The following TCIRG1 variants were observed in gnomAD, a reference collection of about 807,000 sequenced individuals.
The protein encoded by TCIRG1 is V-type proton ATPase 116 kDa subunit a 3.
TCIRG1 carries 86 observed loss-of-function variants against 95.5 expected under a neutral mutation model. The observed-to-expected ratio is 0.90, with a 90% CI of 0.76 to 1.08. The LOEUF (loss-of-function observed/expected upper bound fraction) is 1.08, where lower values mean the gene tolerates loss of function less well. Among genes scored for constraint, TCIRG1 ranks in the 50% least tolerant of loss-of-function variants. The pLI is 0.00. For synonymous variants in TCIRG1, 499 were observed against 501.3 expected (o/e 1.00, Z 0.06); for missense variants, 1,069 against 1,140.2 (o/e 0.94, Z 0.90).
chr11:68,050,037 G>A lies in TCIRG1; in HGVS notation c.2089G>A (p.Gly697Arg), dbSNP rs894118567. Residue 697 changes from glycine (G) to arginine (R), a missense_variant, in exon 17 of 20, where the codon GGG (glycine) becomes AGG (arginine). Transcript: ENST00000265686. ...CTGGAGCTCCGATGAGGAAAAGGCA[G>A]GGGGCCTGGATGATGAAGAGGAGGC... is the stretch of plus-strand genomic sequence containing the variant. The part of the protein sequence containing the change: ...NGWSSDEEKA[G>R]GLDDEEEAEL... 3 of 1,613,294 alleles carry A rather than the reference G, an allele frequency of 1.9e-6. No homozygotes were observed. In the African/African-American group the frequency reaches 4.0e-5, roughly 22 times the overall value.
chr11:68,041,745 AC>A lies in TCIRG1; in HGVS notation c.118-5del. 1 of 1,606,316 alleles carries A rather than the reference AC, an allele frequency of 6.2e-7. No individual in the cohort carries two copies. Among genetic ancestry groups the A allele is most frequent in the Non-Finnish European group, 8.5e-7 (1 of 1,176,878 alleles). On this transcript the variant is annotated splice_region_variant and splice_polypyrimidine_tract_variant and intron_variant, in intron 2 of 19. Transcript: ENST00000265686. ...CGGGACACTCACCCCTCCGTGTGGC[AC>A]CCACAGCTCAACGCCTCGGTGAGCG... is the stretch of plus-strand genomic sequence containing the variant.
rs1414075019 is a variant in TCIRG1 at position 68,050,866 on chromosome 11, GGAGAGGAATAAA to G, written c.*50_*61del. ...GACCTCCTTCCTGACCTCTGAGGCA[GGAGAGGAATAAA>G]GACGGTCCGCCCTGGCAGTGATGTC... On this transcript the variant is annotated 3_prime_UTR_variant, in exon 20 of 20. Transcript: ENST00000265686. 1 of 1,597,484 alleles carries G rather than the reference GGAGAGGAATAAA, an allele frequency of 6.3e-7. No homozygotes were observed. Among genetic ancestry groups the G allele is most frequent in the Non-Finnish European group, 8.5e-7 (1 of 1,169,806 alleles).
intron 9 of TCIRG1, 123 bp downstream of exon 9, chr11:68,044,467 C>G (rs1179414781): frequency 1.3e-6 from 1 of 783,598 alleles, no homozygotes; most frequent in Admixed American, 2.1e-5. Flanking sequence ...CCTTCTCCTC[C>G]CAGCCTCCTC....
rs1348227402 is a variant in TCIRG1 at position 68,043,356 on chromosome 11, C to T, written c.504-15C>T. 5 of 1,538,900 alleles carry T rather than the reference C, an allele frequency of 3.2e-6. No homozygotes were observed. The highest frequency in any genetic ancestry group is 2.6e-6 in the Non-Finnish European group (3 of 1,146,390). ...AGGAGGTTGGAGCAGCCCTGCCCAG[C>T]CCCGTGGCCGCCAGCTTTGTGGCAG... On this transcript the variant is annotated splice_polypyrimidine_tract_variant and intron_variant, in intron 5 of 19. Transcript: ENST00000265686.
chr11:68,050,928 C>G (rs1225168128), downstream of TCIRG1: 8 of 1,287,722 alleles, frequency 6.2e-6, no homozygotes, highest in Non-Finnish European at 8.7e-6. Context: ...TCCTTTTTAG[C>G]TGAGGCAGGT....
chr11:68,044,449 T>C, intron 9 of TCIRG1, 105 bp downstream of exon 9: 2 of 923,822 alleles, frequency 2.2e-6, no homozygotes, highest in Non-Finnish European at 3.4e-6. Context: ...GGGCTTTGCC[T>C]AGGGGCTCCT....
chr11:68,044,696 G>A (rs1252310806), intron 9 of TCIRG1: 7 of 594,620 alleles, frequency 1.2e-5, no homozygotes, highest in Non-Finnish European at 2.1e-5. Context: ...GCAGGTGCTT[G>A]CGGGTGAGGC....
rs367761886 is a variant in TCIRG1 at position 68,045,132 on chromosome 11, C to T, written c.1165+30C>T. The T allele has an allele frequency of 2.5e-6, 4 of 1,598,738 alleles. No homozygotes were observed. In the African/African-American group the frequency reaches 5.3e-5, roughly 21 times the overall value. On this transcript the variant is annotated intron_variant, in intron 10 of 19. Transcript: ENST00000265686. The stretch of plus-strand genomic sequence containing the variant: ...GAGCCACGGCATCCTTACCCGTGTC[C>T]TGGGAGGCTCAGCTGCCCCACTGGG...
chr11:68,047,418 C>T lies in TCIRG1; in HGVS notation c.1166-15C>T. On this transcript the variant is annotated splice_polypyrimidine_tract_variant and intron_variant, in intron 10 of 19. Transcript: ENST00000265686. ...TGTGTTCGGGGGTTCCCAGCTCACC[C>T]ACCTCTGCCCACAGCTCCCTACACC... 1 of 1,613,644 alleles carries T rather than the reference C, an allele frequency of 6.2e-7. No individual in the cohort carries two copies. Among genetic ancestry groups the T allele is most frequent in the Non-Finnish European group, 8.5e-7 (1 of 1,179,880 alleles).
intron 1 of TCIRG1, among the ~76,000 whole-genome samples, chr11:68,040,679 G>A (rs112230656): frequency 0.026 from 3,992 of 152,308 alleles, 70 homozygotes; most frequent in Middle Eastern, 0.054. Flanking sequence ...GCCCTTCCCC[G>A]CCATTCTGTA....
Position 68,041,441 on chromosome 11 carries a change from A to G in TCIRG1, c.117+53A>G, listed in dbSNP as rs1855157188. On this transcript the variant is annotated intron_variant, in intron 2 of 19. Coordinates refer to ENST00000265686, the MANE Select transcript of TCIRG1 (RefSeq NM_006019.4). Reference sequence around the variant, plus strand: ...GGGGCTACTGCCAAGGTTAGCCCGGAGGCCGGTCCAGGATGGGGACTGCCC... The same window carrying G: ...GGGGCTACTGCCAAGGTTAGCCCGGGGGCCGGTCCAGGATGGGGACTGCCC... 3.0e-5 allele frequency: 39 copies of G among 1,313,882 alleles called. 1 individual carries two copies. The South Asian group carries it at 4.4e-4, about 15-fold the overall frequency. 81.4% of individuals were successfully genotyped at this position (1,313,882 alleles called of 1,614,324 possible). A position where few individuals can be genotyped will look rare whatever the true frequency, so the allele number is the denominator to read the frequency against.
chr11:68,045,200 G>GCCTGC (rs1223881427), intron 10 of TCIRG1, 98 bp downstream of exon 10: 2 of 1,485,666 alleles, frequency 1.3e-6, no homozygotes, highest in East Asian at 4.7e-5. Flanking sequence ...CCTGGGCCTG[G>GCCTGC]CCTGCCCTCC....
chr11:68,053,363 AG>A (rs1438578528), downstream of TCIRG1: 7 of 152,698 alleles, frequency 4.6e-5, no homozygotes, highest in African/African-American at 1.7e-4. Flanking sequence ...GCCCAGCAGG[AG>A]GGGAGAGCTC....
downstream of TCIRG1, chr11:68,053,116 A>C (rs1033888762): frequency 2.6e-5 from 4 of 152,316 alleles, no homozygotes; most frequent in African/African-American, 9.7e-5. Context: ...CCCTTGGAGA[A>C]CCCTGCCCAG....
rs373244328 is a variant in TCIRG1, at chr11:68,041,292, C to T, written c.21C>T (p.Ser7=). 1.3e-4 allele frequency: 208 copies of T among 1,612,834 alleles called. No homozygotes were observed. Among genetic ancestry groups the T allele is most frequent in the Middle Eastern group, 1.7e-4 (1 of 6,058 alleles). ...GGACCATGGGCTCCATGTTCCGGAG[C>T]GAGGAGGTGGCCCTGGTCCAGCTCT... is the stretch of plus-strand genomic sequence containing the variant. MGSMFR[S]EEVALVQLFL... Residue 7 remains serine (S), a synonymous_variant, in exon 2 of 20, where the codon AGC becomes AGT. Coordinates refer to ENST00000265686, the MANE Select transcript of TCIRG1 (RefSeq NM_006019.4).
intron 17 of TCIRG1, 24 bp from the exon 18 acceptor site, chr11:68,050,113 G>T (rs1369914632): frequency 1.1e-5 from 17 of 1,611,812 alleles, no homozygotes; most frequent in Non-Finnish European, 1.4e-5. Context: ...GGCCCTGCCG[G>T]CCCTCACTGC....
chr11:68,044,797 C>T (rs1346174874), intron 9 of TCIRG1, 161 bp from the exon 10 acceptor site: 2 of 885,582 alleles, frequency 2.3e-6, no homozygotes, highest in Non-Finnish European at 3.5e-6. Flanking sequence ...GGGCCCCCAC[C>T]AGGGCAGAGC....
At chr11:68,041,529 C>T in intron 2 of TCIRG1, 141 bp downstream of exon 2, 13 of 744,560 alleles carry the variant, frequency 1.7e-5, no homozygotes, top group Middle Eastern at 3.9e-4. Flanking sequence ...GGGCACTGCT[C>T]ATGGGAAGCC....
rs775370689 is a variant in TCIRG1, at chr11:68,044,194, G to A, written c.870G>A (p.Pro290=). ...QVLGRVLQLL[P]PGQVQVHKMK... is the part of the protein sequence containing the mutation. Reference sequence around the variant, plus strand: ...TAGGCCGGGTGCTGCAGCTGCTGCCGCCAGGGCAGGTGCAGGTCCACAAGA... The same window carrying A: ...TAGGCCGGGTGCTGCAGCTGCTGCCACCAGGGCAGGTGCAGGTCCACAAGA... Residue 290 remains proline (P), a synonymous_variant, in exon 9 of 20, where the codon CCG becomes CCA. Coordinates refer to ENST00000265686, the MANE Select transcript of TCIRG1 (RefSeq NM_006019.4). The A allele has an allele frequency of 8.7e-5, 136 of 1,558,752 alleles. No individual in the cohort carries two copies. Among genetic ancestry groups the A allele is most frequent in the Non-Finnish European group, 1.1e-4 (124 of 1,151,928 alleles).
Sources: allele counts gnomAD v4.1 joint callset (sites outside exome capture counted in the v4.1 genomes callset), GRCh38; gene constraint gnomAD v4.1.1; transcripts MANE v1.5; gene names NCBI Gene and HGNC (gene_info 2026-07-23, HGNC 2026-07-21).